Variants in C11orf65 observed in about 807,000 individuals in gnomAD.
C11orf65 encodes chromosome 11 open reading frame 65.
Under a neutral mutation model 35.3 loss-of-function variants are expected in C11orf65, and 38 were observed. The ratio of observed to expected loss-of-function variants is 1.08; its 90% CI spans 0.83 to 1.41. The LOEUF (loss-of-function observed/expected upper bound fraction) is 1.41. Among genes scored for constraint, C11orf65 ranks in the 40% most tolerant of loss-of-function variants. The probability of loss-of-function intolerance (pLI) is 0.00; values close to 1 mark genes in which losing one functional copy is unlikely to be tolerated. For synonymous variants in C11orf65, 105 were observed against 114.4 expected, an observed-to-expected ratio of 0.92 and a Z score of 0.53; for missense variants, 370 against 367.1, an observed-to-expected ratio of 1.01 and a Z score of -0.06.
rs189269326 is a variant in C11orf65 at position 108,460,976 on chromosome 11, C to G, written c.81+503G>C. ...CCGACCTCAGATGATCCGCCTGCCTCAGCCTCTCAAAGTGCTGGGATTACA... is the reference window on the plus strand; with the variant it reads ...CCGACCTCAGATGATCCGCCTGCCTGAGCCTCTCAAAGTGCTGGGATTACA... On this transcript the variant is annotated intron_variant, in intron 2 of 8. Transcript: ENST00000393084. Among the ~76,000 whole-genome samples, 475 of 152,240 alleles carry G rather than the reference C, an allele frequency of 3.1e-3. 1 individual carries two copies. Among genetic ancestry groups the G allele is most frequent in the Non-Finnish European group, 5.6e-3 (384 of 68,024 alleles).
chr11:108,433,081 T>G (rs938609134), intron 2 of C11orf65, among the ~76,000 whole-genome samples: 1 of 152,120 alleles, frequency 6.6e-6, no homozygotes, highest in African/African-American at 2.4e-5. Flanking sequence ...CAGCTGAAAT[T>G]TTTGGAATAT....
In C11orf65 at chr11:108,343,140, C is replaced by A. The variant is rs1055707764; in HGVS notation, c.227-7848G>T. 17 of 1,559,720 alleles carry A rather than the reference C, an allele frequency of 1.1e-5. No individual in the cohort carries two copies. In the African/African-American group the frequency reaches 1.8e-4, roughly 16 times the overall value. On this transcript the variant is annotated intron_variant, in intron 2 of 3. Transcript: ENST00000524755. The stretch of plus-strand genomic sequence containing the variant: ...ATACAACTTGAAAAAAAATGCTTTG[C>A]ACTGACTCTGATAGCTGAATGATCA...
At chr11:108,407,946 A>AG (rs2092576118) in intron 3 of C11orf65, among the ~76,000 whole-genome samples, 5 of 142,340 alleles carry the variant, frequency 3.5e-5, no homozygotes, top group Admixed American at 7.4e-5. Flanking sequence ...AAAAAAAAAA[A>AG]AAAAAAGAAA....
chr11:108,460,726 T>TTTGTTGTTG (rs59315807), intron 2 of C11orf65, among the ~76,000 whole-genome samples: 3 of 151,106 alleles, frequency 2.0e-5, no homozygotes, highest in Middle Eastern at 6.9e-3. Context: ...AAAAGTCTGC[T>TTTGTTGTTG]TTGTTGTTGT....
rs944045195 is a variant in C11orf65, at chr11:108,358,138, T to C, written c.227-22846A>G. ...GCTGAAAATCAAGGCTCGAGAACTA[T>C]GTGAAGAATGCAGAAGCCTCAGGAG... On this transcript the variant is annotated intron_variant, in intron 2 of 3. Coordinates refer to the C11orf65 transcript ENST00000524755. 5.9e-3 allele frequency among the ~76,000 whole-genome samples: 884 copies of C among 149,592 alleles called. 13 individuals carry two copies. Among genetic ancestry groups the C allele is most frequent in the African/African-American group, 0.021 (811 of 39,372 alleles).
intron 6 of C11orf65, 88 bp downstream of exon 6, chr11:108,405,341 C>A: frequency 1.5e-6 from 2 of 1,371,714 alleles, no homozygotes; most frequent in Admixed American, 2.4e-5. Context: ...GCAGCTAATG[C>A]CCTCTTGTGA....
In C11orf65 at chr11:108,426,306, G is replaced by C. The variant is rs1292527115; in HGVS notation, c.174+5440C>G. Among the ~76,000 whole-genome samples, 7 of 152,184 alleles carry C rather than the reference G, an allele frequency of 4.6e-5. No homozygotes were observed. The East Asian group carries it at 9.6e-4, about 21-fold the overall frequency. ...ATAAGCAACTTCAACAAAGTCTCAG[G>C]ACACACAATCAATCTGCAAAAATCA... is the stretch of plus-strand genomic sequence containing the variant. On this transcript the variant is annotated intron_variant, in intron 3 of 8. Coordinates refer to ENST00000393084, the MANE Select transcript of C11orf65 (RefSeq NM_152587.5).
chr11:108,425,257 C>G (rs1287933157), intron 3 of C11orf65, among the ~76,000 whole-genome samples: 3 of 151,476 alleles, frequency 2.0e-5, no homozygotes, highest in African/African-American at 4.8e-5. Flanking sequence ...GACCACTAGC[C>G]AGACTAACAA....
intron 2 of C11orf65, among the ~76,000 whole-genome samples, chr11:108,345,061 T>C (rs1251773131): frequency 6.6e-6 from 1 of 152,024 alleles, no homozygotes; most frequent in African/African-American, 2.4e-5. Context: ...AGTTTTCTGT[T>C]TGGGGCAGCT....
At chr11:108,361,053 G>A (rs1591361730) in intron 2 of C11orf65, among the ~76,000 whole-genome samples, 1 of 108,938 alleles carries the variant, frequency 9.2e-6, no homozygotes, top group East Asian at 2.4e-4. Context: ...AAACCCCACT[G>A]TCTCAGCCCA....
chr11:108,459,586 T>C (rs1178128206), intron 2 of C11orf65, among the ~76,000 whole-genome samples: 1 of 152,204 alleles, frequency 6.6e-6, no homozygotes, highest in Non-Finnish European at 1.5e-5. Flanking sequence ...GATGCTATCA[T>C]CTATTTTTAG....
At chr11:108,375,293 G>A (rs189088157) in intron 2 of C11orf65, among the ~76,000 whole-genome samples, 1,612 of 146,192 alleles carry the variant, frequency 0.011, 21 homozygotes, top group African/African-American at 0.042. Flanking sequence ...GATCTTGGCA[G>A]AAACCCTACA....
chr11:108,330,241 G>A (rs2136453475), downstream of C11orf65: 1 of 1,614,158 alleles, frequency 6.2e-7, no homozygotes, highest in Non-Finnish European at 8.5e-7. Context: ...AGCGAGAGCT[G>A]GAGTTGGATG....
intron 2 of C11orf65, among the ~76,000 whole-genome samples, chr11:108,459,697 A>T (rs974144520): frequency 3.3e-5 from 5 of 149,828 alleles, no homozygotes; most frequent in Non-Finnish European, 7.4e-5. Context: ...GGTTCTGGAG[A>T]GATAGAAGGT....
chr11:108,364,297 T>C (rs910343418), intron 2 of C11orf65, among the ~76,000 whole-genome samples: 1 of 152,230 alleles, frequency 6.6e-6, no homozygotes, highest in Non-Finnish European at 1.5e-5. Context: ...CTAAGATTTG[T>C]AAGCATTTGC....
At chr11:108,334,178 G>A (rs1046063694) in intron 3 of C11orf65, among the ~76,000 whole-genome samples, 3 of 151,378 alleles carry the variant, frequency 2.0e-5, no homozygotes, top group African/African-American at 7.3e-5. Context: ...ATTGCCTTCT[G>A]TTCTACACCT....
intron 2 of C11orf65, among the ~76,000 whole-genome samples, chr11:108,437,188 G>T (rs1373146192): frequency 6.6e-6 from 1 of 151,408 alleles, no homozygotes; most frequent in Admixed American, 6.6e-5. Context: ...TCAGTAGCTT[G>T]AGGTAGGAGG....
At chr11:108,362,618 C>T (rs1306392039) in intron 2 of C11orf65, among the ~76,000 whole-genome samples, 1 of 149,072 alleles carries the variant, frequency 6.7e-6, no homozygotes, top group Non-Finnish European at 1.5e-5. Context: ...ACTATGCAGC[C>T]ATAAAAAATG....
At chr11:108,371,179 T>A (rs1295590899) in intron 2 of C11orf65, among the ~76,000 whole-genome samples, 1 of 152,204 alleles carries the variant, frequency 6.6e-6, no homozygotes, top group East Asian at 1.9e-4. Context: ...GTTCTTGCCA[T>A]GATATAAGTG....
Sources: allele counts gnomAD v4.1 joint callset (sites outside exome capture counted in the v4.1 genomes callset), GRCh38; gene constraint gnomAD v4.1.1; transcripts MANE v1.5; gene names NCBI Gene and HGNC (gene_info 2026-07-23, HGNC 2026-07-21).